SEMA3A: variants seen among roughly 807,000 people sequenced by gnomAD.
SEMA3A encodes the protein semaphorin 3A.
A neutral mutation model predicts 97.9 loss-of-function variants in SEMA3A; 29 were observed. The ratio of observed to expected loss-of-function variants is 0.30; its 90% CI spans 0.22 to 0.40. The LOEUF (loss-of-function observed/expected upper bound fraction) is 0.40, where lower values mean the gene tolerates loss of function less well. Among genes scored for constraint, SEMA3A ranks in the 10% least tolerant of loss-of-function variants. The pLI, the probability that SEMA3A is intolerant of heterozygous loss-of-function variation, is 1.00. For synonymous variants in SEMA3A, 321 were observed against 323.7 expected (o/e 0.99, Z 0.09); for missense variants, 763 against 951.3 (o/e 0.80, Z 2.60).
intron 2 of SEMA3A, among the ~76,000 whole-genome samples, chr7:84,334,548 C>G (rs1801990010): frequency 6.6e-6 from 1 of 151,970 alleles, no homozygotes; most frequent in Non-Finnish European, 1.5e-5. Context: ...CACCTGTTCC[C>G]TCAATTTTCC....
intron 6 of SEMA3A, among the ~76,000 whole-genome samples, chr7:84,021,692 G>A (rs1281575094): frequency 6.6e-6 from 1 of 151,660 alleles, no homozygotes; most frequent in Admixed American, 6.6e-5. Flanking sequence ...TTTCTTTCTT[G>A]CTAAGCATAA....
chr7:84,476,395 A>G (rs565907564), intron 1 of SEMA3A, among the ~76,000 whole-genome samples: 26 of 151,902 alleles, frequency 1.7e-4, no homozygotes, highest in African/African-American at 5.8e-4. Flanking sequence ...TTTTTTTTCA[A>G]TGTGTCTTAG....
At chr7:84,406,667 A>T (rs1365804779) in intron 1 of SEMA3A, among the ~76,000 whole-genome samples, 1 of 152,164 alleles carries the variant, frequency 6.6e-6, no homozygotes, top group African/African-American at 2.4e-5. Context: ...ATACTGGCAA[A>T]CTGAATCCAG....
chr7:84,454,256 A>G (rs781192981), intron 1 of SEMA3A, among the ~76,000 whole-genome samples: 2 of 152,122 alleles, frequency 1.3e-5, no homozygotes, highest in African/African-American at 2.4e-5. Context: ...TAAATTACCT[A>G]TGGAAGATGT....
chr7:84,395,705 C>T (rs1486345593), intron 1 of SEMA3A, among the ~76,000 whole-genome samples: 8 of 152,052 alleles, frequency 5.3e-5, no homozygotes, highest in Non-Finnish European at 1.0e-4. Flanking sequence ...CCTGTTTGCT[C>T]GGCACTTCTT....
intron 1 of SEMA3A, among the ~76,000 whole-genome samples, chr7:84,486,164 C>A (rs1425543828): frequency 6.6e-6 from 1 of 151,934 alleles, no homozygotes; most frequent in Non-Finnish European, 1.5e-5. Context: ...CTGAGGCAGG[C>A]AGATCATGAG....
intron 2 of SEMA3A, among the ~76,000 whole-genome samples, chr7:84,332,524 A>G (rs1801931868): frequency 6.6e-6 from 1 of 152,130 alleles, no homozygotes; most frequent in African/African-American, 2.4e-5. Context: ...AAAATTGAGA[A>G]AAGACAATTT....
intron 1 of SEMA3A, among the ~76,000 whole-genome samples, chr7:84,150,968 C>T (rs6950885): frequency 6.7e-6 from 1 of 148,272 alleles, no homozygotes; most frequent in Non-Finnish European, 1.5e-5. Flanking sequence ...AGGCACCCCC[C>T]AGCAGGGGCA....
At chr7:83,969,919 G>A (rs1168058911) in intron 15 of SEMA3A, among the ~76,000 whole-genome samples, 3 of 152,090 alleles carry the variant, frequency 2.0e-5, no homozygotes, top group Non-Finnish European at 4.4e-5. Flanking sequence ...AATTTTGTGG[G>A]CTTCCAGAAA....
Position 84,285,970 on chromosome 7 carries a change from C to CAAA in SEMA3A, c.-83+21234_-83+21236dup, listed in dbSNP as rs564063430. Among the ~76,000 whole-genome samples, 517 of 69,824 alleles carry CAAA rather than the reference C, an allele frequency of 7.4e-3. 4 individuals are homozygous for CAAA. The highest frequency in any genetic ancestry group is 0.021 in the African/African-American group (469 of 22,102). The allele number at this position is 69,824 out of a possible 152,430, so 45.8% of individuals were successfully genotyped here. A position where few individuals can be genotyped will look rare whatever the true frequency, so the allele number is the denominator to read the frequency against. Reference sequence around the variant, plus strand: ...TGCATAACAGAATCAGACCCCATCTCAAAAAAAAAAAAAAAAAAGAAGAAG... The same window carrying CAAA: ...TGCATAACAGAATCAGACCCCATCTCAAAAAAAAAAAAAAAAAAAAAGAAGAAG... On this transcript the variant is annotated intron_variant, in intron 3 of 3. Coordinates refer to the SEMA3A transcript ENST00000424555.
At chr7:84,037,325 T>G (rs979999735) in intron 6 of SEMA3A, among the ~76,000 whole-genome samples, 2 of 151,630 alleles carry the variant, frequency 1.3e-5, no homozygotes, top group African/African-American at 4.8e-5. Context: ...TTTTGTTTAT[T>G]TGTTGTTGTT....
intron 3 of SEMA3A, among the ~76,000 whole-genome samples, chr7:84,211,320 A>G (rs1375756340): frequency 1.3e-5 from 2 of 152,026 alleles, no homozygotes; most frequent in Non-Finnish European, 2.9e-5. Context: ...GGATTTTAAA[A>G]CATTTCTCAG....
chr7:84,351,347 A>G (rs945483299), intron 2 of SEMA3A, among the ~76,000 whole-genome samples: 10 of 152,106 alleles, frequency 6.6e-5, no homozygotes, highest in Admixed American at 5.9e-4. Flanking sequence ...ATTGACAACA[A>G]TTTGTCTTTA....
chr7:84,212,217 C>T (rs1389944219), intron 3 of SEMA3A, among the ~76,000 whole-genome samples: 10 of 152,144 alleles, frequency 6.6e-5, no homozygotes, highest in African/African-American at 1.7e-4. Flanking sequence ...CTAATCAGTG[C>T]TCTCTCTTTC....
At chr7:84,186,056 A>C (rs73709587) in intron 1 of SEMA3A, among the ~76,000 whole-genome samples, 8,344 of 152,234 alleles carry the variant, frequency 0.055, 310 homozygotes, top group Middle Eastern at 0.065. Context: ...GCTCTAAGTC[A>C]TATAAATTAT....
At chr7:84,143,452 T>C (rs142832532) in intron 1 of SEMA3A, among the ~76,000 whole-genome samples, 23 of 142,386 alleles carry the variant, frequency 1.6e-4, no homozygotes, top group African/African-American at 5.7e-4. Flanking sequence ...ATAGAATTAA[T>C]AAGCAAAGGG....
At chr7:84,423,055 A>G (rs1474992009) in intron 1 of SEMA3A, among the ~76,000 whole-genome samples, 2 of 152,074 alleles carry the variant, frequency 1.3e-5, no homozygotes, top group Non-Finnish European at 2.9e-5. Flanking sequence ...TTCTGGCATT[A>G]TAATGCTGAA....
chr7:84,190,849 A>G (rs1798016608), intron 1 of SEMA3A, among the ~76,000 whole-genome samples: 1 of 150,634 alleles, frequency 6.6e-6, no homozygotes, highest in South Asian at 2.1e-4. Context: ...TTTCACAATT[A>G]TAAAATGAAG....
intron 5 of SEMA3A, among the ~76,000 whole-genome samples, chr7:84,049,650 T>A (rs1792512630): frequency 6.6e-6 from 1 of 152,156 alleles, no homozygotes; most frequent in Non-Finnish European, 1.5e-5. Context: ...AGCAAACTTC[T>A]TTTGTGGTTT....
Sources: allele counts gnomAD v4.1 joint callset (sites outside exome capture counted in the v4.1 genomes callset), GRCh38; gene constraint gnomAD v4.1.1; transcripts MANE v1.5; gene names NCBI Gene and HGNC (gene_info 2026-07-23, HGNC 2026-07-21).